The following CLEC17A variants were observed in gnomAD, a reference collection of about 807,000 sequenced individuals.
CLEC17A encodes the protein C-type lectin domain family 17, member A.
CLEC17A carries 37 observed loss-of-function variants against 61.3 expected under a neutral mutation model. The observed-to-expected ratio is 0.60, with a 90% CI of 0.46 to 0.79. The LOEUF (loss-of-function observed/expected upper bound fraction) is 0.79, where lower values mean the gene tolerates loss of function less well. CLEC17A is among the 30% of genes least tolerant of loss of function. CLEC17A has a pLI of 0.00. For synonymous variants in CLEC17A, 168 were observed against 164.9 expected (o/e 1.02, Z -0.14); for missense variants, 418 against 464.7 (o/e 0.90, Z 0.92).
intron 12 of CLEC17A, among the ~76,000 whole-genome samples, chr19:14,602,545 C>T (rs1183656883): frequency 6.6e-6 from 1 of 151,106 alleles, no homozygotes; most frequent in Non-Finnish European, 1.5e-5. Context: ...CTGCCGCCTT[C>T]ACCTCCCAAA....
At chr19:14,609,837 CCAAAACAAAA>C (rs377095507) in intron 13 of CLEC17A, among the ~76,000 whole-genome samples, 1 of 140,518 alleles carries the variant, frequency 7.1e-6, no homozygotes, top group Non-Finnish European at 1.5e-5. Context: ...GACTCTGTCT[CCAAAACAAAA>C]CAAAACAAAA....
rs964238706 is a variant in CLEC17A at position 14,583,219 on chromosome 19, G to A, written c.43+16G>A. 1 of 1,613,692 alleles carries A rather than the reference G, an allele frequency of 6.2e-7. No homozygotes were observed. Among genetic ancestry groups the A allele is most frequent in the Non-Finnish European group, 8.5e-7 (1 of 1,179,860 alleles). On this transcript the variant is annotated intron_variant, in intron 1 of 13. Transcript: ENST00000417570. ...GACCCACCAGGTAAGGCCCCGGCCA[G>A]GCTGGGGCTGGGGCCTAGGTGTGGT...
intron 2 of CLEC17A, among the ~76,000 whole-genome samples, chr19:14,585,429 T>C (rs953561591): frequency 6.6e-6 from 1 of 152,266 alleles, no homozygotes; most frequent in Non-Finnish European, 1.5e-5. Context: ...GCCTTCAAGA[T>C]GGGTTCCCTG....
chr19:14,590,452 A>G (rs1333256152), intron 3 of CLEC17A, among the ~76,000 whole-genome samples: 3 of 150,128 alleles, frequency 2.0e-5, no homozygotes, highest in African/African-American at 7.4e-5. Context: ...GCAATGGTGC[A>G]ATCTTGGCTG....
upstream of CLEC17A, among the ~76,000 whole-genome samples, chr19:14,581,887 C>T (rs7256414): frequency 5.3e-5 from 8 of 151,716 alleles, no homozygotes; most frequent in Non-Finnish European, 1.2e-4. Flanking sequence ...CCTGACCTCA[C>T]GTGATCCACC....
intron 3 of CLEC17A, among the ~76,000 whole-genome samples, chr19:14,590,976 G>C (rs1395475723): frequency 2.6e-5 from 4 of 151,796 alleles, no homozygotes; most frequent in Non-Finnish European, 5.9e-5. Flanking sequence ...GGGATTATAG[G>C]CATGAGCCAC....
Position 14,610,405 on chromosome 19 carries a change from C to T in CLEC17A, c.*209C>T. The T allele has an allele frequency of 1.6e-6, 1 of 610,722 alleles. No individual in the cohort carries two copies. The highest frequency in any genetic ancestry group is 2.8e-6 in the Non-Finnish European group (1 of 355,102). 37.8% of individuals were successfully genotyped at this position (610,722 alleles called of 1,614,324 possible). A position where few individuals can be genotyped will look rare whatever the true frequency, so the allele number is the denominator to read the frequency against. Reference sequence around the variant, plus strand: ...TGGGCTTGCCCTAGTAGATGGTGAGCTGGGAGGATGCTCAGAGCTTGGTGG... The same window carrying T: ...TGGGCTTGCCCTAGTAGATGGTGAGTTGGGAGGATGCTCAGAGCTTGGTGG... On this transcript the variant is annotated 3_prime_UTR_variant, in exon 14 of 14. Transcript: ENST00000417570.
intron 12 of CLEC17A, among the ~76,000 whole-genome samples, chr19:14,602,098 A>T (rs776700707): frequency 2.4e-4 from 36 of 151,412 alleles, no homozygotes; most frequent in Non-Finnish European, 4.3e-4. Flanking sequence ...GGCCCAGCAA[A>T]TTATTTTTAC....
chr19:14,587,288 T>C, intron 2 of CLEC17A, among the ~76,000 whole-genome samples: 1 of 149,638 alleles, frequency 6.7e-6, no homozygotes, highest in East Asian at 1.9e-4. Flanking sequence ...GTCTGGGGGC[T>C]TCCCCCCAAG....
At position 14,610,901 on chromosome 19, in the gene CLEC17A, A is replaced by G. The variant is rs1340599202; in HGVS notation, c.*705A>G. 3 of 152,024 alleles carry G rather than the reference A, an allele frequency of 2.0e-5. No homozygotes were observed. The highest frequency in any genetic ancestry group is 2.1e-4 in the South Asian group (1 of 4,816). The allele number at this position is 152,024 out of a possible 1,614,324, so 9.4% of individuals were successfully genotyped here. On this transcript the variant is annotated 3_prime_UTR_variant, in exon 14 of 14. Transcript: ENST00000417570. Reference sequence around the variant, plus strand: ...GGTCTCAAACTCCTGGGGTCAAGCAATCCTTCCGTGATGGCCTCCCAAAGT... The same window carrying G: ...GGTCTCAAACTCCTGGGGTCAAGCAGTCCTTCCGTGATGGCCTCCCAAAGT...
intron 2 of CLEC17A, among the ~76,000 whole-genome samples, chr19:14,587,263 T>TGTGTGTGTGTGTG (rs71733825): frequency 2.8e-3 from 377 of 136,606 alleles, no homozygotes; most frequent in African/African-American, 7.1e-3. Context: ...GTGTGTGTGT[T>TGTGTGTGTGTGTG]TGTGTTTGTG....
chr19:14,587,946 A>T (rs35216000), intron 3 of CLEC17A, among the ~76,000 whole-genome samples: 32,867 of 149,654 alleles, frequency 0.22, 5,952 homozygotes, highest in African/African-American at 0.54. Context: ...GAGGGCTCAA[A>T]TAGAGGAAGG....
intron 3 of CLEC17A, chr19:14,588,390 C>T (rs1169640438): frequency 6.6e-6 from 1 of 151,454 alleles, no homozygotes; most frequent in Non-Finnish European, 1.5e-5. Flanking sequence ...GTAGTCCCAG[C>T]TACTTGGGAG....
In CLEC17A at chr19:14,586,599, A is replaced by ATT. The variant is rs34892433; in HGVS notation, c.122-1008_122-1007dup. Among the ~76,000 whole-genome samples, 112 of 149,590 alleles carry ATT rather than the reference A, an allele frequency of 7.5e-4. 3 individuals are homozygous for ATT. Among genetic ancestry groups the ATT allele is most frequent in the African/African-American group, 2.6e-3 (107 of 40,900 alleles). Reference sequence around the variant, plus strand: ...ACCATGCCTGGATGGTTTTTTCTAAATTTTTTTTACAGAGATAGGGTCTTG... The same window carrying ATT: ...ACCATGCCTGGATGGTTTTTTCTAAATTTTTTTTTTACAGAGATAGGGTCTTG... On this transcript the variant is annotated intron_variant, in intron 2 of 13. Coordinates refer to ENST00000417570, the MANE Select transcript of CLEC17A (RefSeq NM_001204118.2).
intron 3 of CLEC17A, among the ~76,000 whole-genome samples, chr19:14,589,508 G>A (rs1340043801): frequency 1.4e-5 from 2 of 143,116 alleles, no homozygotes; most frequent in African/African-American, 5.6e-5. Flanking sequence ...ATAGCTCACT[G>A]CAGCCTTGAG....
intron 3 of CLEC17A, 86 bp from the exon 4 acceptor site, chr19:14,592,195 C>T: frequency 2.2e-6 from 3 of 1,393,924 alleles, no homozygotes; most frequent in Non-Finnish European, 2.9e-6. Context: ...GAATCCCCAT[C>T]ATGGGGCAGC....
chr19:14,594,081 G>A (rs529216539), intron 4 of CLEC17A, among the ~76,000 whole-genome samples: 29 of 152,126 alleles, frequency 1.9e-4, no homozygotes, highest in African/African-American at 6.7e-4. Context: ...TCAGGAGTTC[G>A]AGACCAGCCT....
chr19:14,592,015 C>T lies in CLEC17A; in HGVS notation c.200-266C>T, dbSNP rs2074432040. On this transcript the variant is annotated intron_variant, in intron 3 of 13. Transcript: ENST00000417570. ...GAAAGGAAAGGGAAACAGACAGATG[C>T]CTTAGACATCTGAGTAGGAGGGACA... Among the ~76,000 whole-genome samples the T allele has an allele frequency of 1.3e-5, 2 of 151,774 alleles. 1 individual carries two copies. The highest frequency in any genetic ancestry group is 4.2e-4 in the South Asian group (2 of 4,790).
intron 10 of CLEC17A, among the ~76,000 whole-genome samples, chr19:14,598,483 T>G (rs887584866): frequency 2.2e-4 from 34 of 151,888 alleles, no homozygotes; most frequent in African/African-American, 8.0e-4. Context: ...TCTCTTGCTT[T>G]CTTTCTTTTG....
Sources: allele counts gnomAD v4.1 joint callset (sites outside exome capture counted in the v4.1 genomes callset), GRCh38; gene constraint gnomAD v4.1.1; transcripts MANE v1.5; gene names NCBI Gene and HGNC (gene_info 2026-07-23, HGNC 2026-07-21).